KLKB1: variants seen among roughly 807,000 people sequenced by gnomAD.
The protein encoded by KLKB1 is plasma kallikrein.
In KLKB1, 58 loss-of-function variants were observed where a neutral mutation model predicts 73.6. The observed-to-expected ratio is 0.79, with a 90% CI of 0.64 to 0.98. The LOEUF is 0.98. Among genes scored for constraint, KLKB1 ranks in the 50% least tolerant of loss-of-function variants. The probability of loss-of-function intolerance (pLI) is 0.00; values close to 1 mark genes in which losing one functional copy is unlikely to be tolerated. For synonymous variants in KLKB1, 280 were observed against 258.1 expected (o/e 1.08, Z -0.81); for missense variants, 737 against 763.8 (o/e 0.96, Z 0.41).
chr4:186,220,691 G>GT (rs776395112), intron 2 of KLKB1, among the ~76,000 whole-genome samples: 77 of 152,240 alleles, frequency 5.1e-4, no homozygotes, highest in Middle Eastern at 3.4e-3. Flanking sequence ...TTAATGTGTT[G>GT]TTGAATTTAG....
intron 7 of KLKB1, 93 bp downstream of exon 7, chr4:186,250,495 A>T (rs1738614209): frequency 6.9e-7 from 1 of 1,455,008 alleles, no homozygotes; most frequent in African/African-American, 1.4e-5. Context: ...CTGAGTTCTT[A>T]AAAGTTTCGT....
At chr4:186,247,240 G>A (rs1007101443) in intron 6 of KLKB1, among the ~76,000 whole-genome samples, 1 of 152,170 alleles carries the variant, frequency 6.6e-6, no homozygotes, top group East Asian at 1.9e-4. Context: ...CATGCGAAGA[G>A]ACCACCAAAC....
intron 11 of KLKB1, among the ~76,000 whole-genome samples, chr4:186,252,876 G>T (rs4253306): frequency 0.16 from 24,745 of 152,136 alleles, 2,339 homozygotes; most frequent in East Asian, 0.3. Flanking sequence ...TGAGAGTTTC[G>T]TACTCTGTAT....
chr4:186,225,423 CTT>C (rs35336018), upstream of KLKB1, among the ~76,000 whole-genome samples: 716 of 106,644 alleles, frequency 6.7e-3, 5 homozygotes, highest in African/African-American at 0.021. Context: ...GTGAGGATTT[CTT>C]TTTTTTTTTT....
At chr4:186,220,481 C>T (rs1490362988) in intron 2 of KLKB1, among the ~76,000 whole-genome samples, 2 of 152,158 alleles carry the variant, frequency 1.3e-5, no homozygotes, top group Admixed American at 6.5e-5. Context: ...AGCTGGCACT[C>T]CCCATACTCT....
rs1290427812 is a variant in KLKB1 at position 186,218,651 on chromosome 4, T to TGTGTGCGC, written c.201+9380_201+9381insTGTGCGCG. 9.0e-3 allele frequency among the ~76,000 whole-genome samples: 1,354 copies of TGTGTGCGC among 150,832 alleles called. 10 individuals are homozygous for TGTGTGCGC. The highest frequency in any genetic ancestry group is 0.013 in the Non-Finnish European group (891 of 67,602). Reference sequence around the variant, plus strand: ...CATAGTGTGTGTGTGTGTGTGTGTGTGCGCATGTGTGTGTGCTGAGAACCC... The same window carrying TGTGTGCGC: ...CATAGTGTGTGTGTGTGTGTGTGTGTGTGTGCGCGCGCATGTGTGTGTGCTGAGAACCC... On this transcript the variant is annotated intron_variant, in intron 2 of 14. Transcript: ENST00000511608.
At chr4:186,222,168 T>C (rs1737046905), upstream of KLKB1, among the ~76,000 whole-genome samples, 1 of 152,218 alleles carries the variant, frequency 6.6e-6, no homozygotes, top group African/African-American at 2.4e-5. Flanking sequence ...CTAAAGTTAG[T>C]CTCTTACAGG....
At chr4:186,238,095 G>A (rs543559078) in intron 5 of KLKB1, among the ~76,000 whole-genome samples, 161 bp from the exon 6 acceptor site, 3 of 152,096 alleles carry the variant, frequency 2.0e-5, no homozygotes, top group East Asian at 1.9e-4. Context: ...ACCCCTTTGC[G>A]AGGGGAAGGA....
chr4:186,240,892 T>C (rs1738002507), intron 6 of KLKB1, among the ~76,000 whole-genome samples: 1 of 152,184 alleles, frequency 6.6e-6, no homozygotes, highest in Non-Finnish European at 1.5e-5. Flanking sequence ...CTGGAAGGAT[T>C]TGCTGCACTT....
chr4:186,255,105 C>T (rs897733444), intron 12 of KLKB1, among the ~76,000 whole-genome samples: 4 of 152,062 alleles, frequency 2.6e-5, no homozygotes, highest in African/African-American at 9.7e-5. Context: ...TAGGGATATT[C>T]GAATGTGTGA....
chr4:186,233,875 G>C (rs1458705647), intron 3 of KLKB1, 77 bp from the exon 4 acceptor site: 1 of 983,088 alleles, frequency 1.0e-6, no homozygotes, highest in African/African-American at 1.6e-5. Context: ...TTATTTGTTA[G>C]TGTGTAGAAA....
At chr4:186,234,099 G>A (rs767284498) in intron 4 of KLKB1, 41 bp downstream of exon 4, 1 of 1,446,704 alleles carries the variant, frequency 6.9e-7, no homozygotes, top group African/African-American at 1.4e-5. Flanking sequence ...GTTAATATTG[G>A]ATCTCGCTTA....
At chr4:186,229,707 C>T (rs898592828) in intron 2 of KLKB1, among the ~76,000 whole-genome samples, 1 of 152,208 alleles carries the variant, frequency 6.6e-6, no homozygotes, top group African/African-American at 2.4e-5. Flanking sequence ...CTTAGGCCAA[C>T]TCTAACAGGC....
chr4:186,228,207 C>G lies in KLKB1; in HGVS notation c.12C>G (p.Phe4Leu). MIL[F>L]KQATYFISLF... is the part of the protein sequence containing the mutation. ...TTTTCTTTTTTAGAATGATTTTATT[C>G]AAGCAAGCAACTTATTTCATTTCCT... The change falls in exon 2 of 15, where the codon TTC becomes TTG. Residue 4 changes from phenylalanine to leucine, a missense_variant. By Grantham distance (22) the Phe-to-Leu change is conservative (BLOSUM62 0). Coordinates refer to ENST00000264690, the MANE Select transcript of KLKB1 (RefSeq NM_000892.5). 3.2e-6 allele frequency: 5 copies of G among 1,575,248 alleles called. No homozygotes were observed. The highest frequency in any genetic ancestry group is 4.4e-6 in the Non-Finnish European group (5 of 1,144,890).
chr4:186,216,525 G>GT (rs1376865889), intron 2 of KLKB1, among the ~76,000 whole-genome samples: 1 of 152,324 alleles, frequency 6.6e-6, no homozygotes, highest in Non-Finnish European at 1.5e-5. Flanking sequence ...AGGAGATGAT[G>GT]TTTGAGCAGT....
chr4:186,227,265 G>A (rs2126621301), upstream of KLKB1: 1 of 152,180 alleles, frequency 6.6e-6, no homozygotes, highest in East Asian at 1.9e-4. Context: ...TAGCTCTAGT[G>A]AAGTTATTTT....
At chr4:186,256,310 A>G (rs1488815967) in intron 13 of KLKB1, among the ~76,000 whole-genome samples, 1 of 152,232 alleles carries the variant, frequency 6.6e-6, no homozygotes, top group Non-Finnish European at 1.5e-5. Context: ...ACTTCATTAT[A>G]AAGATCAGTT....
At chr4:186,247,283 A>C (rs1370066032) in intron 6 of KLKB1, among the ~76,000 whole-genome samples, 2 of 152,148 alleles carry the variant, frequency 1.3e-5, no homozygotes, top group Admixed American at 1.3e-4. Context: ...CTTTTTAATC[A>C]CCTGGGTGCA....
At chr4:186,219,936 G>C (rs771805688) in intron 2 of KLKB1, among the ~76,000 whole-genome samples, 51 of 151,996 alleles carry the variant, frequency 3.4e-4, no homozygotes, top group Admixed American at 2.6e-4. Flanking sequence ...TGATAGTCCA[G>C]GTCAATCACC....
Sources: allele counts gnomAD v4.1 joint callset (sites outside exome capture counted in the v4.1 genomes callset), GRCh38; gene constraint gnomAD v4.1.1; transcripts MANE v1.5; gene names NCBI Gene and HGNC (gene_info 2026-07-23, HGNC 2026-07-21).